The following UBR1 variants were observed in gnomAD, a reference collection of about 807,000 sequenced individuals.
UBR1 encodes the protein ubiquitin protein ligase E3 component n-recognin 1, also known as E3 ubiquitin-protein ligase UBR1.
UBR1 carries 102 observed loss-of-function variants against 242.1 expected under a neutral mutation model. The observed-to-expected ratio is 0.42, with a 90% CI of 0.36 to 0.50. The LOEUF (loss-of-function observed/expected upper bound fraction) is 0.50, where lower values mean the gene tolerates loss of function less well. Ranked by LOEUF, UBR1 falls within the 20% of genes least tolerant of loss-of-function variation. The pLI is 0.01. For missense variants in UBR1, 1,772 were observed against 2,101.8 expected, an observed-to-expected ratio of 0.84 and a Z score of 3.07; for synonymous variants, 675 against 684.8, an observed-to-expected ratio of 0.99 and a Z score of 0.22.
chr15:42,984,825 A>C lies in UBR1; in HGVS notation c.4053+62T>G, dbSNP rs1227823261. 7 of 1,431,896 alleles carry C rather than the reference A, an allele frequency of 4.9e-6. No individual in the cohort carries two copies. In the Admixed American group the frequency reaches 1.2e-4, roughly 25 times the overall value. The allele number at this position is 1,431,896 out of a possible 1,614,324, so 88.7% of individuals were successfully genotyped here. A position where few individuals can be genotyped will look rare whatever the true frequency, so the allele number is the denominator to read the frequency against. On this transcript the variant is annotated intron_variant, in intron 36 of 46. Coordinates refer to ENST00000290650, the MANE Select transcript of UBR1 (RefSeq NM_174916.3). ...GTAAAGATTTTTTGTTTTTAATAAT[A>C]AACTGTGGGGGGGAAAAAAGGCATG... is the stretch of plus-strand genomic sequence containing the variant.
At chr15:43,051,728 AAAG>A (rs756926384) in intron 12 of UBR1, among the ~76,000 whole-genome samples, 4 of 152,192 alleles carry the variant, frequency 2.6e-5, no homozygotes, top group Non-Finnish European at 5.9e-5. Context: ...CTTACCAAGT[AAAG>A]AAGATGTAAG....
At chr15:42,997,775 C>T (rs2032662554) in intron 33 of UBR1, among the ~76,000 whole-genome samples, 1 of 152,068 alleles carries the variant, frequency 6.6e-6, no homozygotes, top group Non-Finnish European at 1.5e-5. Flanking sequence ...AAAATAGGTA[C>T]TATTATAATA....
At chr15:43,058,929 C>T (rs576655755) in intron 9 of UBR1, among the ~76,000 whole-genome samples, 156 bp downstream of exon 9, 1 of 152,180 alleles carries the variant, frequency 6.6e-6, no homozygotes, top group African/African-American at 2.4e-5. Flanking sequence ...AGAATACATA[C>T]TGACTGGTTA....
chr15:43,091,662 G>A (rs1238009512), intron 1 of UBR1, among the ~76,000 whole-genome samples: 18 of 151,740 alleles, frequency 1.2e-4, no homozygotes, highest in Non-Finnish European at 1.5e-5. Flanking sequence ...ATCATGGCTG[G>A]GCATGGTGGC....
intron 15 of UBR1, among the ~76,000 whole-genome samples, chr15:43,039,254 C>T (rs973327687): frequency 6.6e-6 from 1 of 152,056 alleles, no homozygotes; most frequent in Admixed American, 6.6e-5. Context: ...AAAACTCATA[C>T]AAGAAAACGT....
chr15:43,056,843 T>TA (rs2033625471), intron 10 of UBR1, among the ~76,000 whole-genome samples: 1 of 152,180 alleles, frequency 6.6e-6, no homozygotes, highest in Non-Finnish European at 1.5e-5. Flanking sequence ...TAACAACTGA[T>TA]ATGACCCAGA....
chr15:43,067,385 A>G (rs993087788), intron 6 of UBR1, among the ~76,000 whole-genome samples: 2 of 152,246 alleles, frequency 1.3e-5, no homozygotes, highest in African/African-American at 4.8e-5. Flanking sequence ...GACGAATGTC[A>G]TGCTATTTCT....
chr15:43,043,506 A>G, intron 14 of UBR1, 111 bp from the exon 15 acceptor site: 1 of 990,860 alleles, frequency 1.0e-6, no homozygotes, highest in Non-Finnish European at 1.6e-6. Flanking sequence ...CAGTGGCATA[A>G]TCACAGCTCA....
intron 1 of UBR1, among the ~76,000 whole-genome samples, chr15:43,101,027 CAG>C (rs948073596): frequency 5.9e-5 from 9 of 152,192 alleles, no homozygotes; most frequent in East Asian, 1.9e-4. Flanking sequence ...ATCTTTTAGA[CAG>C]AGTGTGTATT....
intron 12 of UBR1, among the ~76,000 whole-genome samples, chr15:43,049,012 T>C (rs2033520097): frequency 6.6e-6 from 1 of 152,248 alleles, no homozygotes; most frequent in South Asian, 2.1e-4. Context: ...ATAATTTGTA[T>C]GATTAATATT....
At chr15:43,105,832 A>G (rs2034289773) in intron 1 of UBR1, 110 bp downstream of exon 1, 5 of 1,061,900 alleles carry the variant, frequency 4.7e-6, no homozygotes, top group South Asian at 1.3e-5. Flanking sequence ...ATCAATCCAG[A>G]TAACTCCCCC....
chr15:42,990,907 C>T (rs972770508), intron 33 of UBR1, among the ~76,000 whole-genome samples: 2 of 152,066 alleles, frequency 1.3e-5, no homozygotes, highest in Non-Finnish European at 2.9e-5. Context: ...AATTCAAATG[C>T]TATTTCCCGA....
intron 29 of UBR1, among the ~76,000 whole-genome samples, chr15:43,014,149 G>A (rs2032971621): frequency 2.6e-5 from 4 of 152,254 alleles, no homozygotes; most frequent in Admixed American, 2.6e-4. Context: ...CTCCCGAGGT[G>A]CCGGGATTGC....
intron 40 of UBR1, among the ~76,000 whole-genome samples, chr15:42,968,688 C>T (rs1339917893): frequency 1.3e-5 from 2 of 152,076 alleles, no homozygotes; most frequent in Non-Finnish European, 2.9e-5. Context: ...CAGCCCCTGA[C>T]AGGCCCTGGT....
In UBR1 at chr15:43,022,689, T is replaced by A. The variant is rs1199579999; in HGVS notation, c.2839+13A>T. ...CAATGACAAATGTGTTGAAGAGTGA[T>A]ACTCAAACATACTTGAAGCCTTATG... On this transcript the variant is annotated intron_variant, in intron 26 of 46. Coordinates refer to ENST00000290650, the MANE Select transcript of UBR1 (RefSeq NM_174916.3). 6.4e-7 allele frequency: 1 copy of A among 1,560,360 alleles called. No individual in the cohort carries two copies. Among genetic ancestry groups the A allele is most frequent in the East Asian group, 2.3e-5 (1 of 44,336 alleles).
intron 43 of UBR1, among the ~76,000 whole-genome samples, chr15:42,959,961 T>C (rs2031986859): frequency 6.6e-6 from 1 of 152,204 alleles, no homozygotes; most frequent in Admixed American, 6.5e-5. Flanking sequence ...TCCACTTGTT[T>C]ATAGATGTGA....
In UBR1 at chr15:42,943,524, C is replaced by A. The variant is rs2031684556; in HGVS notation, c.*1805G>T. 1 of 152,502 alleles carries A rather than the reference C, an allele frequency of 6.6e-6. No individual in the cohort carries two copies. The highest frequency in any genetic ancestry group is 2.1e-4 in the South Asian group (1 of 4,826). 9.4% of individuals were successfully genotyped at this position (152,502 alleles called of 1,614,324 possible). A position where few individuals can be genotyped will look rare whatever the true frequency, so the allele number is the denominator to read the frequency against. On this transcript the variant is annotated 3_prime_UTR_variant, in exon 47 of 47. Coordinates refer to ENST00000290650, the MANE Select transcript of UBR1 (RefSeq NM_174916.3). ...AAAGGTCTGGCTGGCCATTGCCAGA[C>A]AGTCCCTCTGTCCTCTTGAGAGCCT... is the stretch of plus-strand genomic sequence containing the variant.
At chr15:43,071,536 T>C (rs1480523345) in intron 4 of UBR1, among the ~76,000 whole-genome samples, 1 of 152,188 alleles carries the variant, frequency 6.6e-6, no homozygotes, top group Non-Finnish European at 1.5e-5. Context: ...TACACAACAA[T>C]GTGAATATAC....
intron 3 of UBR1, among the ~76,000 whole-genome samples, chr15:43,076,181 T>C (rs1350299881): frequency 8.7e-5 from 13 of 149,612 alleles, no homozygotes. Flanking sequence ...GGGGTTTTGC[T>C]GTGTTGGCCG....
Sources: allele counts gnomAD v4.1 joint callset (sites outside exome capture counted in the v4.1 genomes callset), GRCh38; gene constraint gnomAD v4.1.1; transcripts MANE v1.5; gene names NCBI Gene and HGNC (gene_info 2026-07-23, HGNC 2026-07-21).